The following ARHGAP6 variants were observed in gnomAD, a reference collection of about 807,000 sequenced individuals.
The protein encoded by ARHGAP6 is rho GTPase-activating protein 6.
Under a neutral mutation model 55.7 loss-of-function variants are expected in ARHGAP6, and 16 were observed. That is an observed-to-expected ratio of 0.29 (90% CI 0.19 to 0.44). The LOEUF is 0.44. Ranked by LOEUF, ARHGAP6 falls within the 20% of genes least tolerant of loss-of-function variation. ARHGAP6 has a pLI of 1.00. For missense variants in ARHGAP6, 698 were observed against 808.9 expected, an observed-to-expected ratio of 0.86 and a Z score of 1.66; for synonymous variants, 382 against 360.9, an observed-to-expected ratio of 1.06 and a Z score of -0.66.
intron 1 of ARHGAP6, among the ~76,000 whole-genome samples, chrX:11,558,948 C>G (rs955197274): frequency 4.8e-5 from 5 of 103,510 alleles, no homozygotes; most frequent in Admixed American, 3.2e-4. Context: ...ATTCCCTCTA[C>G]TACAGTTAAC....
intron 1 of ARHGAP6, among the ~76,000 whole-genome samples, chrX:11,439,188 TC>T (rs1279696983): frequency 8.9e-6 from 1 of 112,575 alleles, no homozygotes; most frequent in Non-Finnish European, 1.9e-5. Context: ...CCAAGGACTT[TC>T]TAACAGAACA....
At chrX:11,172,509 TAA>T (rs201485455) in intron 8 of ARHGAP6, among the ~76,000 whole-genome samples, 9 of 110,509 alleles carry the variant, frequency 8.1e-5, no homozygotes, top group Non-Finnish European at 1.7e-4. Flanking sequence ...TCTCATTTTT[TAA>T]AAAAAACATT....
At chrX:11,287,650 A>T (rs897371592) in intron 1 of ARHGAP6, among the ~76,000 whole-genome samples, 6 of 110,082 alleles carry the variant, frequency 5.5e-5, no homozygotes, top group Non-Finnish European at 3.8e-5. Context: ...TCTACCTAAA[A>T]CCTCTGCTGC....
At chrX:11,634,514 A>C (rs746981744) in intron 1 of ARHGAP6, among the ~76,000 whole-genome samples, 1 of 111,683 alleles carries the variant, frequency 9.0e-6, no homozygotes, top group Non-Finnish European at 1.9e-5. Flanking sequence ...ATTGTAGTGA[A>C]AGATGGATGT....
At chrX:11,248,750 C>G (rs1158179421) in intron 2 of ARHGAP6, among the ~76,000 whole-genome samples, 1 of 111,604 alleles carries the variant, frequency 9.0e-6, no homozygotes, top group Non-Finnish European at 1.9e-5. Context: ...TGGCCATAAT[C>G]AAAAAATCAA....
intron 2 of ARHGAP6, among the ~76,000 whole-genome samples, chrX:11,218,707 A>G (rs1324809948): frequency 1.3e-4 from 15 of 111,558 alleles, no homozygotes; most frequent in African/African-American, 4.9e-4. Flanking sequence ...GTATGTGTCC[A>G]GGAATTTATC....
rs138932531 is a variant in ARHGAP6, at chrX:11,570,575, T to G, written c.588+93666A>C. Reference sequence around the variant, plus strand: ...CAGCACAACCAGAAGATACCACTATTATTATCCCCCACTTATGGTACAGAA... The same window carrying G: ...CAGCACAACCAGAAGATACCACTATGATTATCCCCCACTTATGGTACAGAA... On this transcript the variant is annotated intron_variant, in intron 1 of 12. Transcript: ENST00000337414. Among the ~76,000 whole-genome samples, 479 of 110,411 alleles carry G rather than the reference T, an allele frequency of 4.3e-3. 2 individuals carry two copies. The highest frequency in any genetic ancestry group is 0.014 in the Middle Eastern group (3 of 218).
intron 2 of ARHGAP6, among the ~76,000 whole-genome samples, chrX:11,231,773 G>T (rs765359177): frequency 1.1e-4 from 12 of 111,778 alleles, no homozygotes; most frequent in Non-Finnish European, 1.5e-4. Flanking sequence ...TTCTTATCCA[G>T]GTGAATCAGG....
intron 1 of ARHGAP6, among the ~76,000 whole-genome samples, chrX:11,550,977 T>A (rs777317777): frequency 2.9e-4 from 32 of 111,804 alleles, no homozygotes; most frequent in Admixed American, 8.6e-4. Context: ...CAGTAGAGCA[T>A]ATCTAAGATA....
chrX:11,182,745 C>T (rs1233753789), intron 5 of ARHGAP6, among the ~76,000 whole-genome samples: 1 of 104,845 alleles, frequency 9.5e-6, no homozygotes, highest in African/African-American at 3.5e-5. Flanking sequence ...CAGTGATTCT[C>T]CCACCTTAGC....
chrX:11,547,259 A>C (rs2051220862), intron 1 of ARHGAP6, among the ~76,000 whole-genome samples: 1 of 112,274 alleles, frequency 8.9e-6, no homozygotes, highest in Admixed American at 9.4e-5. Flanking sequence ...AAAACAGGGG[A>C]ACTGAAAAGT....
chrX:11,381,266 C>A (rs2049260092), intron 1 of ARHGAP6, among the ~76,000 whole-genome samples: 1 of 112,405 alleles, frequency 8.9e-6, no homozygotes, highest in African/African-American at 3.2e-5. Context: ...ATTTAGAATT[C>A]TAGAGTCTTT....
intron 1 of ARHGAP6, among the ~76,000 whole-genome samples, chrX:11,377,918 T>G (rs953494730): frequency 9.0e-6 from 1 of 111,490 alleles, no homozygotes; most frequent in African/African-American, 3.3e-5. Flanking sequence ...AGGGACTGTT[T>G]TCATGATGGA....
At chrX:11,247,685 A>G (rs145470435) in intron 2 of ARHGAP6, among the ~76,000 whole-genome samples, 30 of 112,657 alleles carry the variant, frequency 2.7e-4, no homozygotes, top group African/African-American at 9.3e-4. Context: ...CATTTGTATT[A>G]AAATGTTACC....
At position 11,182,045 on chromosome X, in the gene ARHGAP6, T is replaced by C. The variant is rs759073557; in HGVS notation, c.1329+18A>G. The C allele has an allele frequency of 1.0e-5, 12 of 1,181,946 alleles. No homozygotes were observed. Among genetic ancestry groups the C allele is most frequent in the Admixed American group, 8.8e-5 (4 of 45,261 alleles). On this transcript the variant is annotated intron_variant, in intron 6 of 12. Transcript: ENST00000337414. Reference sequence around the variant, plus strand: ...GAAAGTCATGTGAAACAAAATATAATCTTTACTTTTCACTTACTTGTCTCA... The same window carrying C: ...GAAAGTCATGTGAAACAAAATATAACCTTTACTTTTCACTTACTTGTCTCA...
intron 1 of ARHGAP6, among the ~76,000 whole-genome samples, chrX:11,560,107 C>T (rs1224159115): frequency 4.5e-5 from 5 of 110,155 alleles, no homozygotes; most frequent in Non-Finnish European, 7.6e-5. Flanking sequence ...AGAGAGCACC[C>T]GATTCTCAAA....
rs17327725 is a variant in ARHGAP6, at chrX:11,160,720, C to T, written c.1810-4094G>A. On this transcript the variant is annotated intron_variant, in intron 9 of 12. Transcript: ENST00000337414. ...CAGAGGTTTTCCTCATTCAACTAGG[C>T]GAGCAATCATAATTACTGAGGTCTA... 3.4e-3 allele frequency among the ~76,000 whole-genome samples: 383 copies of T among 111,540 alleles called. 3 individuals carry two copies. The highest frequency in any genetic ancestry group is 0.03 in the Admixed American group (312 of 10,517).
chrX:11,332,598 C>G (rs1177695466), intron 1 of ARHGAP6, among the ~76,000 whole-genome samples: 1 of 111,665 alleles, frequency 9.0e-6, no homozygotes, highest in Non-Finnish European at 1.9e-5. Flanking sequence ...TTAGACTAAA[C>G]TTTTTTATTT....
intron 1 of ARHGAP6, among the ~76,000 whole-genome samples, chrX:11,632,960 G>C (rs1254666413): frequency 2.7e-5 from 3 of 111,862 alleles, no homozygotes; most frequent in Non-Finnish European, 5.6e-5. Context: ...ACTGGTGTGT[G>C]AGTACCAATG....
Sources: allele counts gnomAD v4.1 joint callset (sites outside exome capture counted in the v4.1 genomes callset), GRCh38; gene constraint gnomAD v4.1.1; transcripts MANE v1.5; gene names NCBI Gene and HGNC (gene_info 2026-07-23, HGNC 2026-07-21).